GPT: variants seen among roughly 807,000 people sequenced by gnomAD.
The protein encoded by GPT is alanine aminotransferase 1.
A neutral mutation model predicts 51.4 loss-of-function variants in GPT; 60 were observed. That is an observed-to-expected ratio of 1.17 (90% CI 0.95 to 1.45). The LOEUF (loss-of-function observed/expected upper bound fraction) is 1.45, where lower values mean the gene tolerates loss of function less well. Among genes scored for constraint, GPT ranks in the 40% most tolerant of loss-of-function variants. GPT has a pLI of 0.00. For missense variants in GPT, 853 were observed against 704.0 expected (o/e 1.21, Z -2.40); for synonymous variants, 397 against 303.1 (o/e 1.31, Z -3.22).
At chr8:144,503,867 C>T (rs1586770987), upstream of GPT, 1 of 234,134 alleles carries the variant, frequency 4.3e-6, no homozygotes, top group East Asian at 1.1e-4. Context: ...CTGCTGGGCA[C>T]CCCTTCACCT....
rs768412132 is a variant in GPT at position 144,506,185 on chromosome 8, G to T, written c.957-47G>T. 2 of 1,600,516 alleles carry T rather than the reference G, an allele frequency of 1.2e-6. No individual in the cohort carries two copies. Among genetic ancestry groups the T allele is most frequent in the African/African-American group, 2.7e-5 (2 of 74,686 alleles). On this transcript the variant is annotated intron_variant, in intron 7 of 10. Coordinates refer to ENST00000394955, the MANE Select transcript of GPT (RefSeq NM_005309.3). The surrounding 1 kb of genome is among the most constrained non-coding windows in gnomAD (Gnocchi z 7.0). ...CGCGGGCCATGGCCAGGCCCTCCTC[G>T]CCCGATGGGCCACCCCCTCCTCCGC...
chr8:144,504,283 C>A lies in GPT; in HGVS notation c.-22C>A. The A allele has an allele frequency of 6.2e-7, 1 of 1,604,528 alleles. No individual in the cohort carries two copies. Among genetic ancestry groups the A allele is most frequent in the Non-Finnish European group, 8.5e-7 (1 of 1,179,466 alleles). On this transcript the variant is annotated 5_prime_UTR_variant, in exon 1 of 11. Transcript: ENST00000394955. ...GTCCTGCCACCTCCTGAGCTGCCTT[C>A]CCGCCTGGTCTGGGTAGAGTCATGG...
chr8:144,504,643 A>C lies in GPT; in HGVS notation c.202A>C (p.Ile68Leu), dbSNP rs547075873. 1.9e-6 allele frequency: 3 copies of C among 1,613,266 alleles called. No homozygotes were observed. In the South Asian group the frequency reaches 3.3e-5, roughly 18 times the overall value. Reference sequence around the variant, plus strand: ...TTTCACCGAGGTCATCCGTGCCAACATCGGGGACGCACAGGCTATGGGGCA... The same window carrying C: ...TTTCACCGAGGTCATCCGTGCCAACCTCGGGGACGCACAGGCTATGGGGCA... The part of the protein sequence containing the change: ...KPFTEVIRAN[I>L]GDAQAMGQRP... Residue 68 changes from isoleucine (I) to leucine (L), a missense_variant, in exon 2 of 11, where the codon ATC (isoleucine) becomes CTC (leucine). Transcript: ENST00000394955.
chr8:144,505,827 G>A lies in GPT; in HGVS notation c.740-21G>A, dbSNP rs554981350. 1.9e-6 allele frequency: 3 copies of A among 1,541,564 alleles called. No homozygotes were observed. In the South Asian group the frequency reaches 3.6e-5, roughly 18 times the overall value. ...GCGCCCCCTTGGCTCACCCAGCACT[G>A]CTGCCTCCCCGGCACCCCAGGGCAG... On this transcript the variant is annotated intron_variant, in intron 5 of 10. Coordinates refer to ENST00000394955, the MANE Select transcript of GPT (RefSeq NM_005309.3).
chr8:144,505,777 C>T, intron 5 of GPT, 71 bp from the exon 6 acceptor site: 2 of 1,460,268 alleles, frequency 1.4e-6, no homozygotes, highest in Admixed American at 4.0e-5. Flanking sequence ...GTCCGCTGGA[C>T]CCCGGCTGCC....
Position 144,506,367 on chromosome 8 carries a change from G to A in GPT, c.1092G>A (p.Pro364=), listed in dbSNP as rs139339388. ...CCCTGCTGGACCTGGTGGTCAGCCC[G>A]CCCGCGCCCACCGACCCCTCCTTTG... is the stretch of plus-strand genomic sequence containing the variant. The part of the protein sequence containing the change: ...GQALLDLVVS[P]PAPTDPSFAQ... The change falls in exon 8 of 11, where the codon CCG becomes CCA. Residue 364 remains proline, a synonymous_variant. Transcript: ENST00000394955. The surrounding 1 kb of genome is among the most constrained non-coding windows in gnomAD (Gnocchi z 7.0). The A allele has an allele frequency of 4.9e-5, 76 of 1,563,900 alleles. No individual in the cohort carries two copies. In the African/African-American group the frequency reaches 9.3e-4, roughly 19 times the overall value.
In GPT at chr8:144,507,114, G is replaced by GGGGGCC; in HGVS notation, c.*114_*115insGGGGCC. 2.0e-6 allele frequency: 1 copy of GGGGGCC among 498,332 alleles called. No individual in the cohort carries two copies. Among genetic ancestry groups the GGGGGCC allele is most frequent in the Non-Finnish European group, 3.9e-6 (1 of 254,518 alleles). The allele number at this position is 498,332 out of a possible 1,614,324, so 30.9% of individuals were successfully genotyped here. On this transcript the variant is annotated 3_prime_UTR_variant, in exon 11 of 11. Transcript: ENST00000394955. ...TGCCTGGCGGGGTGGGGTGGGGGGG[G>GGGGGCC]TGCTGGGCCCCTGCCTCTCTGCAGG...
In GPT at chr8:144,505,901, G is replaced by A; in HGVS notation, c.793G>A (p.Glu265Lys). Reference protein sequence around the residue: ...IEAVIRFAFEERLFLLADEVY... With the variant: ...IEAVIRFAFEKRLFLLADEVY... Reference sequence around the variant, plus strand: ...GGCCGTGATCCGCTTCGCCTTCGAAGAGCGGCTCTTTCTGCTGGCGGACGA... The same window carrying A: ...GGCCGTGATCCGCTTCGCCTTCGAAAAGCGGCTCTTTCTGCTGGCGGACGA... Residue 265 changes from glutamate (E) to lysine (K), a missense_variant, in exon 6 of 11, where the codon GAG (glutamate) becomes AAG (lysine). Transcript: ENST00000394955. 6.2e-7 allele frequency: 1 copy of A among 1,600,080 alleles called. No homozygotes were observed. The highest frequency in any genetic ancestry group is 8.5e-7 in the Non-Finnish European group (1 of 1,174,098).
chr8:144,505,000 G>A lies in GPT; in HGVS notation c.364G>A (p.Ala122Thr), dbSNP rs1826713780. The change falls in exon 4 of 11, where the codon GCC (alanine) becomes ACC (threonine). Residue 122 changes from alanine (A) to threonine (T), a missense_variant and splice_region_variant. Coordinates refer to ENST00000394955, the MANE Select transcript of GPT (RefSeq NM_005309.3). ...LQACGGHSLG[A>T]YSVSSGIQLI... Reference sequence around the variant, plus strand: ...CATCCTGTCCTGCCCGAGTCCAGGGGCCTACAGCGTCAGCTCCGGCATCCA... The same window carrying A: ...CATCCTGTCCTGCCCGAGTCCAGGGACCTACAGCGTCAGCTCCGGCATCCA... The A allele has an allele frequency of 1.9e-6, 3 of 1,613,046 alleles. No homozygotes were observed. Among genetic ancestry groups the A allele is most frequent in the East Asian group, 2.2e-5 (1 of 44,894 alleles).
rs1458957183 is a variant in GPT at position 144,504,452 on chromosome 8, C to G, written c.148C>G (p.Gln50Glu). The G allele has an allele frequency of 6.2e-7, 1 of 1,609,996 alleles. No individual in the cohort carries two copies. Among genetic ancestry groups the G allele is most frequent in the Admixed American group, 1.7e-5 (1 of 59,908 alleles). Residue 50 changes from glutamine to glutamate, a missense_variant, in exon 1 of 11, where the codon CAG becomes GAG. By Grantham distance (29) the Gln-to-Glu change is conservative (BLOSUM62 2). Transcript: ENST00000394955. ...AGTGCAGCGAGCCTTGGAGCTGGAGCAGGAGCTGCGCCAGGTATGGCCCAG... is the reference window on the plus strand; with the variant it reads ...AGTGCAGCGAGCCTTGGAGCTGGAGGAGGAGCTGCGCCAGGTATGGCCCAG... ...PIVQRALELE[Q>E]ELRQGVKKPF...
At position 144,506,785 on chromosome 8, in the gene GPT, G is replaced by C. The variant is rs777370445; in HGVS notation, c.1342G>C (p.Gly448Arg). 3 of 1,612,538 alleles carry C rather than the reference G, an allele frequency of 1.9e-6. No individual in the cohort carries two copies. The highest frequency in any genetic ancestry group is 2.2e-5 in the East Asian group (1 of 44,884). ...CTGCCTGCGCCTCCTGGAGGAGACC[G>C]GCATCTGCGTGGTGCCAGGGAGCGG... ...FFCLRLLEETGICVVPGSGFG... is the reference protein window; with the variant it reads ...FFCLRLLEETRICVVPGSGFG... Residue 448 changes from glycine to arginine, a missense_variant, in exon 10 of 11, where the codon GGC (glycine) becomes CGC (arginine). Coordinates refer to ENST00000394955, the MANE Select transcript of GPT (RefSeq NM_005309.3). The surrounding 1 kb of genome is among the most constrained non-coding windows in gnomAD (Gnocchi z 7.0).
rs140517764 is a variant in GPT, at chr8:144,505,879, C to T, written c.771C>T (p.Ala257=). Residue 257 remains alanine, a synonymous_variant, in exon 6 of 11, where the codon GCC becomes GCT. Coordinates refer to ENST00000394955, the MANE Select transcript of GPT (RefSeq NM_005309.3). The part of the protein sequence containing the change: ...GQVQTRECIE[A]VIRFAFEERL... ...TGCAGACCCGCGAGTGCATCGAGGC[C>T]GTGATCCGCTTCGCCTTCGAAGAGC... is the stretch of plus-strand genomic sequence containing the variant. The T allele has an allele frequency of 1.3e-6, 2 of 1,571,858 alleles. No individual in the cohort carries two copies. The highest frequency in any genetic ancestry group is 2.4e-5 in the East Asian group (1 of 42,382).
intron 5 of GPT, 65 bp downstream of exon 5, chr8:144,505,554 C>G (rs1826758797): frequency 8.6e-7 from 1 of 1,158,982 alleles, no homozygotes; most frequent in African/African-American, 1.9e-5. Context: ...CCGCCCCGCC[C>G]CACTCCCCCC....
rs764663540 is a variant in GPT at position 144,506,144 on chromosome 8, G to A, written c.956+13G>A. On this transcript the variant is annotated intron_variant, in intron 7 of 10. Transcript: ENST00000394955. This position sits in a 1 kb window ranked among gnomAD's most constrained non-coding sequence, Gnocchi z 7.0. ...GCTACATGGGCGAGTGCGTGCGTAC[G>A]AGGCGGGTGGGGGCTCGCGGGCCAT... 6.8e-6 allele frequency: 11 copies of A among 1,609,466 alleles called. No homozygotes were observed. Among genetic ancestry groups the A allele is most frequent in the Non-Finnish European group, 9.3e-6 (11 of 1,177,938 alleles).
At position 144,506,695 on chromosome 8, in the gene GPT, G is replaced by GGGGGCGGGGGGGC; in HGVS notation, c.1288-36_1288-35insGGGGCGGGGGGGC. 1 of 1,498,274 alleles carries GGGGGCGGGGGGGC rather than the reference G, an allele frequency of 6.7e-7. No homozygotes were observed. Among genetic ancestry groups the GGGGGCGGGGGGGC allele is most frequent in the Non-Finnish European group, 9.2e-7 (1 of 1,082,386 alleles). 92.8% of individuals were successfully genotyped at this position (1,498,274 alleles called of 1,614,324 possible). A position where few individuals can be genotyped will look rare whatever the true frequency, so the allele number is the denominator to read the frequency against. ...GGGGCCTGCGGGGTGGGCAGGGGGG[G>GGGGGCGGGGGGGC]CCGGGCATCCCTCTCTGACGGCTCT... On this transcript the variant is annotated intron_variant, in intron 9 of 10. Coordinates refer to ENST00000394955, the MANE Select transcript of GPT (RefSeq NM_005309.3). The surrounding 1 kb of genome is among the most constrained non-coding windows in gnomAD (Gnocchi z 7.0).
chr8:144,503,838 C>T (rs1373020704), upstream of GPT: 2 of 201,648 alleles, frequency 9.9e-6, no homozygotes, highest in African/African-American at 2.3e-5. Flanking sequence ...TCCTTGCCAG[C>T]TCTGCCAGCC....
intron 5 of GPT, among the ~76,000 whole-genome samples, 161 bp downstream of exon 5, chr8:144,505,650 C>G (rs1467575732): frequency 5.3e-5 from 4 of 75,376 alleles, no homozygotes; most frequent in African/African-American, 2.2e-4. Context: ...ACTCCCCCCG[C>G]GCCCACGGTG....
upstream of GPT, among the ~76,000 whole-genome samples, chr8:144,503,396 CAA>C (rs140334822): frequency 7.9e-5 from 12 of 152,302 alleles, no homozygotes; most frequent in Non-Finnish European, 1.5e-4. Context: ...CAATCGGGAA[CAA>C]GAGGGCTGGA....
upstream of GPT, chr8:144,503,815 C>T (rs1035806884): frequency 1.0e-5 from 2 of 190,584 alleles, no homozygotes; most frequent in Admixed American, 1.1e-4. Context: ...TCCAGTCTCG[C>T]CTCGGGGGTC....
Sources: allele counts gnomAD v4.1 joint callset (sites outside exome capture counted in the v4.1 genomes callset), GRCh38; gene constraint gnomAD v4.1.1; non-coding constraint Gnocchi (gnomAD v3.1); transcripts MANE v1.5; gene names NCBI Gene and HGNC (gene_info 2026-07-23, HGNC 2026-07-21).